The following NBEA variants were observed in gnomAD, a reference collection of about 807,000 sequenced individuals.
The protein encoded by NBEA is lysosomal-trafficking regulator 2.
NBEA carries 44 observed loss-of-function variants against 343.4 expected under a neutral mutation model. The observed-to-expected ratio is 0.13, with a 90% CI of 0.10 to 0.16. The LOEUF is 0.16. Ranked by LOEUF, NBEA falls within the 10% of genes least tolerant of loss-of-function variation. NBEA has a pLI of 1.00. For missense variants in NBEA, 2,555 were observed against 3,631.3 expected, an observed-to-expected ratio of 0.70 and a Z score of 7.62; for synonymous variants, 1,175 against 1,238.7, an observed-to-expected ratio of 0.95 and a Z score of 1.08.
intron 6 of NBEA, 74 bp downstream of exon 6, chr13:35,050,469 A>G (rs1352730812): frequency 1.4e-6 from 2 of 1,399,794 alleles, no homozygotes; most frequent in Admixed American, 2.3e-5. Context: ...TGAGCTCTGT[A>G]GTATTCTCTT....
intron 33 of NBEA, among the ~76,000 whole-genome samples, chr13:35,223,208 T>G (rs2074469747): frequency 6.6e-6 from 1 of 152,142 alleles, no homozygotes; most frequent in Non-Finnish European, 1.5e-5. Context: ...CAATTAAAAA[T>G]AAATGCATTT....
intron 17 of NBEA, among the ~76,000 whole-genome samples, chr13:35,131,600 G>A (rs1450558986): frequency 1.3e-5 from 2 of 152,128 alleles, no homozygotes; most frequent in African/African-American, 4.8e-5. Flanking sequence ...GTAATGAAAT[G>A]TTAGAAGCAT....
intron 1 of NBEA, among the ~76,000 whole-genome samples, chr13:34,967,522 C>CTCAATTACTACTAT (rs2059861446): frequency 1.3e-5 from 2 of 151,816 alleles, no homozygotes; most frequent in African/African-American, 4.8e-5. Flanking sequence ...CTGTTTTTGT[C>CTCAATTACTACTAT]TTCAAGTAGT....
chr13:34,975,963 C>T (rs1038459524), intron 1 of NBEA, among the ~76,000 whole-genome samples: 7 of 152,140 alleles, frequency 4.6e-5, no homozygotes, highest in Admixed American at 2.0e-4. Flanking sequence ...AACACTTTTA[C>T]ACTGCTGGTG....
chr13:35,288,012 A>G (rs1283781167), intron 34 of NBEA, among the ~76,000 whole-genome samples: 1 of 151,932 alleles, frequency 6.6e-6, no homozygotes, highest in Non-Finnish European at 1.5e-5. Context: ...GGAAGGTATA[A>G]ATAATAACTT....
chr13:35,636,705 A>G (rs1452303714), intron 49 of NBEA, among the ~76,000 whole-genome samples: 5 of 152,198 alleles, frequency 3.3e-5, no homozygotes, highest in Non-Finnish European at 7.3e-5. Flanking sequence ...AAAATTTGGC[A>G]GGGATGTCAT....
At chr13:35,334,021 T>G (rs117422955) in intron 36 of NBEA, among the ~76,000 whole-genome samples, 5,350 of 152,056 alleles carry the variant, frequency 0.035, 140 homozygotes, top group Non-Finnish European at 0.054. Context: ...TGTAGATAAC[T>G]CTTCCGTAGA....
intron 49 of NBEA, among the ~76,000 whole-genome samples, chr13:35,634,943 T>G (rs1388757015): frequency 6.6e-6 from 1 of 152,108 alleles, no homozygotes; most frequent in East Asian, 1.9e-4. Context: ...TGCTGAAATA[T>G]TCCTTGCTAC....
intron 36 of NBEA, among the ~76,000 whole-genome samples, chr13:35,342,849 A>C (rs968367750): frequency 1.3e-5 from 2 of 151,972 alleles, no homozygotes; most frequent in South Asian, 2.1e-4. Flanking sequence ...CCACCCCAAT[A>C]AAAAGCATTA....
intron 11 of NBEA, among the ~76,000 whole-genome samples, chr13:35,107,220 TC>T (rs993232820): frequency 3.9e-5 from 6 of 151,972 alleles, no homozygotes; most frequent in African/African-American, 1.4e-4. Flanking sequence ...TCATTGATAT[TC>T]CTTTAAATAT....
intron 36 of NBEA, among the ~76,000 whole-genome samples, chr13:35,328,771 A>AG (rs1218331073): frequency 6.7e-6 from 1 of 149,444 alleles, no homozygotes; most frequent in Non-Finnish European, 1.5e-5. Context: ...AAATTCCAGC[A>AG]GGGTTTTTTT....
chr13:35,315,823 TTAATTTAAC>T (rs761864600), intron 36 of NBEA, among the ~76,000 whole-genome samples: 9 of 152,138 alleles, frequency 5.9e-5, no homozygotes, highest in Non-Finnish European at 1.3e-4. Flanking sequence ...AATGTATTCT[TTAATTTAAC>T]AAATGCTAGT....
chr13:35,525,071 A>G (rs189337312), intron 41 of NBEA, among the ~76,000 whole-genome samples: 11 of 152,282 alleles, frequency 7.2e-5, no homozygotes, highest in Admixed American at 7.2e-4. Flanking sequence ...TTTTTCAGAG[A>G]ATATTTAAAG....
intron 1 of NBEA, among the ~76,000 whole-genome samples, chr13:34,988,640 C>A (rs553355051): frequency 3.6e-4 from 54 of 151,122 alleles, no homozygotes; most frequent in African/African-American, 1.2e-3. Context: ...CCATTTGCTG[C>A]GGACCAGAGC....
intron 43 of NBEA, among the ~76,000 whole-genome samples, chr13:35,552,477 C>G (rs997269630): frequency 6.6e-6 from 1 of 152,118 alleles, no homozygotes; most frequent in African/African-American, 2.4e-5. Flanking sequence ...AAGAAAAATG[C>G]ATTTCATCTA....
At chr13:35,612,397 G>T (rs2082562275) in intron 48 of NBEA, among the ~76,000 whole-genome samples, 1 of 152,096 alleles carries the variant, frequency 6.6e-6, no homozygotes, top group Non-Finnish European at 1.5e-5. Flanking sequence ...CTCCCAAAGT[G>T]CTGGGATTAC....
chr13:35,179,924 AAC>A, intron 28 of NBEA: 1 of 360,282 alleles, frequency 2.8e-6, no homozygotes, highest in East Asian at 1.6e-4. Flanking sequence ...ATGCATTTTA[AAC>A]AGTTTGTAAG....
intron 40 of NBEA, among the ~76,000 whole-genome samples, chr13:35,454,590 G>T (rs947570713): frequency 6.6e-6 from 1 of 152,158 alleles, no homozygotes; most frequent in African/African-American, 2.4e-5. Flanking sequence ...GCCAGGAGTG[G>T]TTGCTCACAC....
At chr13:35,520,023 T>C (rs2077635099) in intron 41 of NBEA, among the ~76,000 whole-genome samples, 1 of 152,190 alleles carries the variant, frequency 6.6e-6, no homozygotes, top group African/African-American at 2.4e-5. Flanking sequence ...TGGAAGATCA[T>C]TCTTCCATGG....
Sources: allele counts gnomAD v4.1 joint callset (sites outside exome capture counted in the v4.1 genomes callset), GRCh38; gene constraint gnomAD v4.1.1; transcripts MANE v1.5; gene names NCBI Gene and HGNC (gene_info 2026-07-23, HGNC 2026-07-21).